CSMD1: variants seen among roughly 807,000 people sequenced by gnomAD.
CSMD1 encodes CUB and Sushi multiple domains 1.
Under a neutral mutation model 417.5 loss-of-function variants are expected in CSMD1, and 213 were observed. The observed-to-expected ratio is 0.51, with a 90% CI of 0.46 to 0.57. CSMD1 has a LOEUF of 0.57. CSMD1 is among the 20% of genes least tolerant of loss of function. The pLI, the probability that CSMD1 is intolerant of heterozygous loss-of-function variation, is 0.00. For missense variants in CSMD1, 6,923 were observed against 4,529.7 expected (o/e 1.53, Z -15.17); for synonymous variants, 2,862 against 1,736.8 (o/e 1.65, Z -16.11).
chr8:4,352,267 CT>C (rs1230668208), intron 3 of CSMD1, among the ~76,000 whole-genome samples: 1 of 152,188 alleles, frequency 6.6e-6, no homozygotes, highest in Non-Finnish European at 1.5e-5. Context: ...ATGAACTCAC[CT>C]GCTCATGAGG....
intron 1 of CSMD1, among the ~76,000 whole-genome samples, chr8:4,867,663 T>G (rs1483467469): frequency 1.3e-5 from 2 of 152,080 alleles, no homozygotes; most frequent in Non-Finnish European, 2.9e-5. Context: ...AGAATGATGG[T>G]GCTGAGAAAA....
At chr8:3,842,502 T>C (rs894468480) in intron 5 of CSMD1, among the ~76,000 whole-genome samples, 1 of 152,188 alleles carries the variant, frequency 6.6e-6, no homozygotes, top group Admixed American at 6.6e-5. Flanking sequence ...GCTAAATTTC[T>C]AGGGAAGAAG....
In CSMD1 at chr8:4,146,664, C is replaced by G. The variant is rs111505945; in HGVS notation, c.416-114565G>C. ...TCTCGATCCGTCCCCCAGGCTGGAG[C>G]GCAGTGGTGTGATCTGGACTCACTG... is the stretch of plus-strand genomic sequence containing the variant. On this transcript the variant is annotated intron_variant, in intron 3 of 69. Coordinates refer to ENST00000635120, the MANE Select transcript of CSMD1 (RefSeq NM_033225.6). Among the ~76,000 whole-genome samples, 12 of 114,882 alleles carry G rather than the reference C, an allele frequency of 1.0e-4. 2 individuals are homozygous for G. The highest frequency in any genetic ancestry group is 3.9e-4 in the African/African-American group (11 of 28,028). The allele number at this position is 114,882 out of a possible 152,430, so 75.4% of individuals were successfully genotyped here.
intron 1 of CSMD1, among the ~76,000 whole-genome samples, chr8:4,771,026 G>A (rs1161014849): frequency 1.3e-5 from 2 of 152,188 alleles, no homozygotes; most frequent in Non-Finnish European, 2.9e-5. Context: ...GCAACTTACA[G>A]ATTCAGAAAG....
At chr8:3,342,232 C>G (rs961397562) in intron 23 of CSMD1, among the ~76,000 whole-genome samples, 17 of 152,134 alleles carry the variant, frequency 1.1e-4, no homozygotes, top group Non-Finnish European at 2.1e-4. Flanking sequence ...ATTTTTTCCT[C>G]CTAAGAGGGA....
intron 54 of CSMD1, among the ~76,000 whole-genome samples, chr8:2,984,403 C>T (rs919058203): frequency 3.0e-4 from 46 of 151,886 alleles, no homozygotes; most frequent in African/African-American, 1.1e-3. Flanking sequence ...GGCTGGAGTG[C>T]AGTGGCATTA....
At chr8:3,422,414 C>G (rs529925817) in intron 12 of CSMD1, among the ~76,000 whole-genome samples, 1 of 152,172 alleles carries the variant, frequency 6.6e-6, no homozygotes, top group Admixed American at 6.5e-5. Flanking sequence ...CTTCCACTCA[C>G]TTTTCCCAAA....
chr8:3,317,386 C>G (rs1022825296), intron 23 of CSMD1, among the ~76,000 whole-genome samples: 3 of 152,156 alleles, frequency 2.0e-5, no homozygotes, highest in African/African-American at 7.2e-5. Flanking sequence ...AATAATTACC[C>G]AAGCTATAGG....
chr8:4,799,598 C>CAAAAAAAAAAAAAAAAA (rs1168273531), intron 1 of CSMD1, among the ~76,000 whole-genome samples: 2 of 47,152 alleles, frequency 4.2e-5, no homozygotes, highest in Non-Finnish European at 6.8e-5. Flanking sequence ...GACTCCGTCT[C>CAAAAAAAAAAAAAAAAA]AAAAAAAAAA....
At chr8:4,378,460 C>T (rs893351510) in intron 3 of CSMD1, among the ~76,000 whole-genome samples, 1 of 152,180 alleles carries the variant, frequency 6.6e-6, no homozygotes, top group Non-Finnish European at 1.5e-5. Context: ...CTCTGTCTAG[C>T]ACTCTGTCTC....
chr8:3,241,476 G>C (rs1799515577), intron 26 of CSMD1, among the ~76,000 whole-genome samples: 1 of 152,194 alleles, frequency 6.6e-6, no homozygotes, highest in Non-Finnish European at 1.5e-5. Flanking sequence ...GGCAGTGTCA[G>C]TCTTCAGCCA....
At chr8:3,097,447 A>C (rs912844151) in intron 46 of CSMD1, among the ~76,000 whole-genome samples, 5 of 131,586 alleles carry the variant, frequency 3.8e-5, no homozygotes, top group Non-Finnish European at 7.3e-5. Flanking sequence ...TTTGGCTTTA[A>C]ATATACAGTA....
intron 54 of CSMD1, among the ~76,000 whole-genome samples, chr8:2,986,951 G>A (rs1440119973): frequency 6.6e-6 from 1 of 151,946 alleles, no homozygotes; most frequent in Non-Finnish European, 1.5e-5. Flanking sequence ...AATAACACAA[G>A]GAAGTGGCAT....
chr8:3,205,867 A>T (rs912199315), intron 30 of CSMD1, among the ~76,000 whole-genome samples: 1 of 152,212 alleles, frequency 6.6e-6, no homozygotes, highest in African/African-American at 2.4e-5. Context: ...GATGTATTAA[A>T]ATAATAAGGG....
intron 5 of CSMD1, among the ~76,000 whole-genome samples, chr8:3,840,852 C>G (rs949158168): frequency 2.6e-5 from 4 of 151,924 alleles, no homozygotes; most frequent in Non-Finnish European, 5.9e-5. Flanking sequence ...TACGTACAGG[C>G]GCCTGTGACT....
chr8:3,368,431 G>C (rs559109033), intron 19 of CSMD1, among the ~76,000 whole-genome samples: 1 of 152,088 alleles, frequency 6.6e-6, no homozygotes, highest in Non-Finnish European at 1.5e-5. Context: ...CCGCCTCCTG[G>C]GTTCAAGCCA....
intron 2 of CSMD1, among the ~76,000 whole-genome samples, chr8:4,626,338 C>CT (rs370091433): frequency 1.7e-4 from 25 of 150,566 alleles, no homozygotes; most frequent in East Asian, 9.8e-4. Flanking sequence ...CCAGCCACAC[C>CT]TTTTTTTTTA....
intron 5 of CSMD1, among the ~76,000 whole-genome samples, chr8:3,853,871 C>A (rs1423486881): frequency 7.3e-6 from 1 of 137,130 alleles, no homozygotes; most frequent in Non-Finnish European, 1.6e-5. Context: ...ATATATTATA[C>A]TTTAATATAT....
chr8:3,669,376 G>C (rs1239683685), intron 7 of CSMD1, among the ~76,000 whole-genome samples: 2 of 152,116 alleles, frequency 1.3e-5, no homozygotes, highest in African/African-American at 4.8e-5. Flanking sequence ...AGGGTCCAAG[G>C]CCTTGAGCTT....
Sources: gnomAD v4.1 joint callset for allele counts (sites outside exome capture counted in the v4.1 genomes callset) on GRCh38, gnomAD v4.1.1 for gene constraint, MANE v1.5 for transcripts, NCBI Gene and HGNC (gene_info 2026-07-23, HGNC 2026-07-21) for gene names.